Variants in OOSP4B observed in about 807,000 individuals in gnomAD.
OOSP4B encodes the protein oocyte secreted protein family member 4B.
At chr11:60,019,015 G>A (rs1302154027) in intron 1 of OOSP4B, among the ~76,000 whole-genome samples, 1 of 151,990 alleles carries the variant, frequency 6.6e-6, no homozygotes, top group African/African-American at 2.4e-5. Flanking sequence ...TCAGGAGTTC[G>A]AGACCAGCCT....
chr11:60,017,493 G>A (rs1443259133), intron 1 of OOSP4B, 80 bp downstream of exon 1: 1 of 398,258 alleles, frequency 2.5e-6, no homozygotes, highest in Admixed American at 4.4e-5. Flanking sequence ...ATCTTCAGAG[G>A]TGGTGATTTA....
intron 1 of OOSP4B, among the ~76,000 whole-genome samples, chr11:60,018,507 T>G (rs1854648832): frequency 6.6e-6 from 1 of 152,224 alleles, no homozygotes; most frequent in Admixed American, 6.5e-5. Flanking sequence ...AGAAGCACTT[T>G]AAGGCACATA....
intron 1 of OOSP4B, among the ~76,000 whole-genome samples, chr11:60,020,136 T>C (rs1043829374): frequency 6.6e-6 from 1 of 152,224 alleles, no homozygotes; most frequent in Non-Finnish European, 1.5e-5. Context: ...TTACAATCCC[T>C]TAGCTAGACA....
At chr11:60,019,035 G>A (rs1401554900) in intron 1 of OOSP4B, among the ~76,000 whole-genome samples, 1 of 151,956 alleles carries the variant, frequency 6.6e-6, no homozygotes, top group Non-Finnish European at 1.5e-5. Flanking sequence ...TGACCAATAT[G>A]GCGAAACCCC....
exon 1 of OOSP4B, chr11:60,017,285 G>A (rs2134620071): frequency 2.5e-6 from 1 of 398,350 alleles, no homozygotes; most frequent in Middle Eastern, 6.3e-4. Flanking sequence ...CCCCAGCAGA[G>A]GGTAATTGCA....
chr11:60,025,550 A>C (rs531296062), intron 3 of OOSP4B, among the ~76,000 whole-genome samples: 1 of 152,144 alleles, frequency 6.6e-6, no homozygotes, highest in Non-Finnish European at 1.5e-5. Context: ...TTTTGTGTCT[A>C]GCTTATTTCT....
intron 1 of OOSP4B, among the ~76,000 whole-genome samples, chr11:60,020,869 C>A (rs1407915092): frequency 6.6e-6 from 1 of 152,194 alleles, no homozygotes; most frequent in Admixed American, 6.5e-5. Context: ...GAGATCTCAC[C>A]ACTGCACTCC....
At chr11:60,021,228 C>G (rs1854687913) in intron 1 of OOSP4B, among the ~76,000 whole-genome samples, 1 of 152,088 alleles carries the variant, frequency 6.6e-6, no homozygotes, top group African/African-American at 2.4e-5. Context: ...CAAACCGAGT[C>G]AATAGGTTAG....
intron 1 of OOSP4B, 108 bp downstream of exon 1, chr11:60,017,521 T>C (rs761872839): frequency 1.0e-5 from 4 of 397,936 alleles, no homozygotes; most frequent in Non-Finnish European, 1.3e-5. Flanking sequence ...AAGATTACTT[T>C]CTAAAACACT....
chr11:60,021,665 A>C (rs920847465), intron 1 of OOSP4B: 1 of 152,220 alleles, frequency 6.6e-6, no homozygotes, highest in African/African-American at 2.4e-5. Context: ...GTCCTATCTC[A>C]GGTTTTCTTT....
intron 1 of OOSP4B, among the ~76,000 whole-genome samples, chr11:60,017,881 G>A (rs890757610): frequency 1.3e-5 from 2 of 152,142 alleles, no homozygotes; most frequent in African/African-American, 4.8e-5. Flanking sequence ...AAATTATATA[G>A]AGAGTAAGCA....
chr11:60,027,141 A>G (rs1409507262), intron 3 of OOSP4B, among the ~76,000 whole-genome samples: 2 of 151,766 alleles, frequency 1.3e-5, no homozygotes, highest in East Asian at 1.9e-4. Flanking sequence ...CATTTTCCCC[A>G]CTCCCGCCCC....
rs187385586 is a variant in OOSP4B, at chr11:60,019,882, C to T, written c.22+2469C>T. Among the ~76,000 whole-genome samples, 516 of 152,296 alleles carry T rather than the reference C, an allele frequency of 3.4e-3. 1 individual carries two copies. The highest frequency in any genetic ancestry group is 0.012 in the African/African-American group (481 of 41,558). On this transcript the variant is annotated intron_variant, in intron 1 of 4. Coordinates refer to ENST00000642343, the Ensembl canonical transcript of OOSP4B. Reference sequence around the variant, plus strand: ...ATTGGTCCATTTTACAGAGAGCTGACTGGTCCGTTTTGACAGGGTGCTGAT... The same window carrying T: ...ATTGGTCCATTTTACAGAGAGCTGATTGGTCCGTTTTGACAGGGTGCTGAT...
chr11:60,024,158 ATCTTCCTATC>A lies in OOSP4B; in HGVS notation c.204+102_204+111del, dbSNP rs1180212468. 3 of 397,030 alleles carry A rather than the reference ATCTTCCTATC, an allele frequency of 7.6e-6. No individual in the cohort carries two copies. The Admixed American group carries it at 1.3e-4, about 17-fold the overall frequency. 24.6% of individuals were successfully genotyped at this position (397,030 alleles called of 1,614,324 possible). Reference sequence around the variant, plus strand: ...TCCTTCCTAATTAAAATTTTCAAGCATCTTCCTATCTCTTGCAGTGATCAATTGTTAGATA... The same window carrying A: ...TCCTTCCTAATTAAAATTTTCAAGCATCTTGCAGTGATCAATTGTTAGATA... On this transcript the variant is annotated intron_variant, in intron 2 of 4. Coordinates refer to ENST00000642343, the Ensembl canonical transcript of OOSP4B.
intron 1 of OOSP4B, among the ~76,000 whole-genome samples, chr11:60,020,096 G>C (rs1854673052): frequency 6.6e-6 from 1 of 152,218 alleles, no homozygotes; most frequent in Non-Finnish European, 1.5e-5. Flanking sequence ...TACAAACCTT[G>C]AGCTAGATAC....
intron 2 of OOSP4B, among the ~76,000 whole-genome samples, chr11:60,024,388 A>G (rs1037964695): frequency 1.3e-5 from 2 of 152,114 alleles, no homozygotes; most frequent in Admixed American, 6.5e-5. Context: ...AAAAATACCA[A>G]ATTTAGCTGG....
chr11:60,029,900 T>A, exon 4 of OOSP4B: 1 of 398,384 alleles, frequency 2.5e-6, no homozygotes, highest in Non-Finnish European at 4.4e-6. Flanking sequence ...AAGTAAAACA[T>A]GGACACTTAA....
intron 1 of OOSP4B, among the ~76,000 whole-genome samples, chr11:60,020,483 T>TGG (rs907803960): frequency 1.3e-5 from 2 of 152,064 alleles, no homozygotes; most frequent in Non-Finnish European, 2.9e-5. Flanking sequence ...ACTGCCCGGG[T>TGG]GGGGGCGGGG....
At chr11:60,029,747 A>C (rs1357962635) in intron 3 of OOSP4B, 35 bp from the exon 4 acceptor site, 6 of 397,932 alleles carry the variant, frequency 1.5e-5, no homozygotes, top group Admixed American at 4.4e-5. Context: ...ACAGCTATTA[A>C]TCCTGTGCTT....
Sources: gnomAD v4.1 joint callset for allele counts (sites outside exome capture counted in the v4.1 genomes callset) on GRCh38, gnomAD v4.1.1 for gene constraint, MANE v1.5 for transcripts, NCBI Gene and HGNC (gene_info 2026-07-23, HGNC 2026-07-21) for gene names.